GNAQ: variants seen among roughly 807,000 people sequenced by gnomAD.
GNAQ encodes guanine nucleotide-binding protein G(q) subunit alpha.
In GNAQ, 8 loss-of-function variants were observed where a neutral mutation model predicts 43.9. The ratio of observed to expected loss-of-function variants is 0.18; its 90% CI spans 0.11 to 0.33. GNAQ has a LOEUF of 0.33. GNAQ is among the 10% of genes least tolerant of loss of function. GNAQ has a pLI of 1.00. For synonymous variants in GNAQ, 155 were observed against 170.7 expected (o/e 0.91, Z 0.71); for missense variants, 158 against 450.8 (o/e 0.35, Z 5.88).
chr9:77,984,049 CAAAAAAAAAAAAAA>C (rs72279886), intron 1 of GNAQ, among the ~76,000 whole-genome samples: 3 of 67,980 alleles, frequency 4.4e-5, no homozygotes, highest in East Asian at 7.2e-4. Flanking sequence ...TTTTGGAGAG[CAAAAAAAAAAAAAA>C]AAAAAAAAAA....
intron 5 of GNAQ, among the ~76,000 whole-genome samples, chr9:77,761,500 G>A (rs1826021293): frequency 2.1e-5 from 3 of 143,840 alleles, no homozygotes; most frequent in South Asian, 4.6e-4. Flanking sequence ...AGGGAGGTGG[G>A]GAGGTCAGCC....
intron 5 of GNAQ, among the ~76,000 whole-genome samples, chr9:77,751,102 A>T (rs1207561922): frequency 6.6e-6 from 1 of 152,220 alleles, no homozygotes; most frequent in African/African-American, 2.4e-5. Context: ...ATGTTAAGTC[A>T]GTGAATCCCA....
chr9:77,955,753 A>C (rs936159961), intron 1 of GNAQ, among the ~76,000 whole-genome samples: 1 of 152,256 alleles, frequency 6.6e-6, no homozygotes, highest in Non-Finnish European at 1.5e-5. Context: ...TTAGCTTTAC[A>C]GGAACATTAA....
chr9:77,876,966 A>T (rs1488441023), intron 2 of GNAQ, among the ~76,000 whole-genome samples: 1 of 152,200 alleles, frequency 6.6e-6, no homozygotes, highest in Non-Finnish European at 1.5e-5. Flanking sequence ...CAATTAAAAC[A>T]GACGGCCATA....
chr9:78,008,564 C>T (rs1244639022), intron 1 of GNAQ, among the ~76,000 whole-genome samples: 3 of 149,786 alleles, frequency 2.0e-5, no homozygotes, highest in Non-Finnish European at 3.0e-5. Flanking sequence ...ACTTAACTAT[C>T]GATTTATTTC....
chr9:77,973,797 G>T (rs189999880), intron 1 of GNAQ, among the ~76,000 whole-genome samples: 1 of 152,104 alleles, frequency 6.6e-6, no homozygotes, highest in South Asian at 2.1e-4. Context: ...CAGCCTGGGC[G>T]ACAGAGTGAG....
At position 77,719,021 on chromosome 9, in the gene GNAQ, TTACCTTTGGGTCTTATAATCAGTA is replaced by T. The variant is rs1327137826; in HGVS notation, c.*2278_*2301del. 1 of 232,288 alleles carries T rather than the reference TTACCTTTGGGTCTTATAATCAGTA, an allele frequency of 4.3e-6. No homozygotes were observed. The highest frequency in any genetic ancestry group is 8.5e-6 in the Non-Finnish European group (1 of 117,550). The allele number at this position is 232,288 out of a possible 1,614,324, so 14.4% of individuals were successfully genotyped here. ...TGATTTTATGTATTTTGCTATGAAATTACCTTTGGGTCTTATAATCAGTATACCTCTACTCAGGAATGTGCAAAT... is the reference window on the plus strand; with the variant it reads ...TGATTTTATGTATTTTGCTATGAAATTACCTCTACTCAGGAATGTGCAAAT... On this transcript the variant is annotated 3_prime_UTR_variant, in exon 7 of 7. Coordinates refer to ENST00000286548, the MANE Select transcript of GNAQ (RefSeq NM_002072.5).
chr9:77,799,867 C>T (rs1826715366), intron 3 of GNAQ, among the ~76,000 whole-genome samples: 1 of 152,174 alleles, frequency 6.6e-6, no homozygotes, highest in Admixed American at 6.5e-5. Context: ...AGGAACCAGC[C>T]TGATAGCTCC....
At chr9:77,819,728 C>T (rs1175230768) in intron 2 of GNAQ, among the ~76,000 whole-genome samples, 6 of 150,434 alleles carry the variant, frequency 4.0e-5, no homozygotes, top group Non-Finnish European at 5.9e-5. Context: ...TGCTTATTTC[C>T]TTTTGGCACT....
At chr9:77,893,494 A>G (rs1282438877) in intron 2 of GNAQ, among the ~76,000 whole-genome samples, 1 of 152,264 alleles carries the variant, frequency 6.6e-6, no homozygotes, top group Admixed American at 6.5e-5. Flanking sequence ...TGTTTAGCAC[A>G]GAATCAAGAA....
intron 5 of GNAQ, among the ~76,000 whole-genome samples, chr9:77,781,503 T>G (rs1025736008): frequency 1.3e-5 from 2 of 152,046 alleles, no homozygotes; most frequent in Admixed American, 1.3e-4. Flanking sequence ...AGGGAATACC[T>G]CCTAACTCAT....
At chr9:77,855,961 T>G (rs1198618816) in intron 2 of GNAQ, among the ~76,000 whole-genome samples, 1 of 152,172 alleles carries the variant, frequency 6.6e-6, no homozygotes, top group Non-Finnish European at 1.5e-5. Context: ...AACCTTCTAG[T>G]CAAGAGAATA....
chr9:77,945,746 A>T (rs1015903299), intron 1 of GNAQ, among the ~76,000 whole-genome samples: 8 of 152,146 alleles, frequency 5.3e-5, no homozygotes, highest in Non-Finnish European at 1.5e-5. Flanking sequence ...GAGCATTAAG[A>T]CCTATTAAAG....
intron 5 of GNAQ, among the ~76,000 whole-genome samples, chr9:77,729,120 T>C (rs747388075): frequency 1.3e-5 from 2 of 152,206 alleles, no homozygotes; most frequent in African/African-American, 4.8e-5. Flanking sequence ...ATCAAAACAG[T>C]TACTTCTTTG....
At chr9:77,922,401 A>G (rs1829012378) in intron 1 of GNAQ, 56 bp from the exon 2 acceptor site, 2 of 1,261,318 alleles carry the variant, frequency 1.6e-6, no homozygotes, top group Non-Finnish European at 2.3e-6. Flanking sequence ...AGTCTCTCAG[A>G]TAACTAAACC....
At chr9:77,759,906 C>CT (rs149034604) in intron 5 of GNAQ, among the ~76,000 whole-genome samples, 2 of 149,884 alleles carry the variant, frequency 1.3e-5, no homozygotes, top group Non-Finnish European at 3.0e-5. Flanking sequence ...TTCTTTCTTT[C>CT]TTTTTTTTCT....
At chr9:77,938,789 C>T (rs1389001088) in intron 1 of GNAQ, among the ~76,000 whole-genome samples, 2 of 152,180 alleles carry the variant, frequency 1.3e-5, no homozygotes, top group Non-Finnish European at 2.9e-5. Flanking sequence ...ATTTTCAGGG[C>T]ATACAGGCTA....
In GNAQ at chr9:77,719,334, C is replaced by T. The variant is rs1480463525; in HGVS notation, c.*1989G>A. ...GATTACAAAGCCAGTATGGATGCTG[C>T]AATATCAAGAGAGATGTATGTACAA... On this transcript the variant is annotated 3_prime_UTR_variant, in exon 7 of 7. Coordinates refer to ENST00000286548, the MANE Select transcript of GNAQ (RefSeq NM_002072.5). 1 of 232,442 alleles carries T rather than the reference C, an allele frequency of 4.3e-6. No homozygotes were observed. Among genetic ancestry groups the T allele is most frequent in the Admixed American group, 5.6e-5 (1 of 17,750 alleles). 14.4% of individuals were successfully genotyped at this position (232,442 alleles called of 1,614,324 possible).
intron 1 of GNAQ, among the ~76,000 whole-genome samples, chr9:78,012,328 C>G (rs1823783385): frequency 6.6e-6 from 1 of 151,334 alleles, no homozygotes; most frequent in Non-Finnish European, 1.5e-5. Flanking sequence ...ACCTCCACCT[C>G]CCAGGTTCAA....
Sources: gnomAD v4.1 joint callset for allele counts (sites outside exome capture counted in the v4.1 genomes callset) on GRCh38, gnomAD v4.1.1 for gene constraint, MANE v1.5 for transcripts, NCBI Gene and HGNC (gene_info 2026-07-23, HGNC 2026-07-21) for gene names.